ROBO2: variants seen among roughly 807,000 people sequenced by gnomAD.
ROBO2 encodes roundabout homolog 2.
Under a neutral mutation model 160.8 loss-of-function variants are expected in ROBO2, and 53 were observed. The observed-to-expected ratio is 0.33, with a 90% CI of 0.26 to 0.41. The LOEUF (loss-of-function observed/expected upper bound fraction) is 0.41. ROBO2 is among the 10% of genes least tolerant of loss of function. The pLI, the probability that ROBO2 is intolerant of heterozygous loss-of-function variation, is 1.00. For missense variants in ROBO2, 1,577 were observed against 1,722.4 expected, an observed-to-expected ratio of 0.92 and a Z score of 1.49; for synonymous variants, 664 against 611.7, an observed-to-expected ratio of 1.09 and a Z score of -1.26.
intron 23 of ROBO2, chr3:77,633,190 T>A (rs768641632): frequency 2.0e-5 from 3 of 152,202 alleles, no homozygotes; most frequent in Non-Finnish European, 4.4e-5. Context: ...ATACAATAAT[T>A]TATTATTTGT....
At chr3:76,190,673 T>C (rs1376986281) in intron 2 of ROBO2, among the ~76,000 whole-genome samples, 1 of 152,084 alleles carries the variant, frequency 6.6e-6, no homozygotes, top group Admixed American at 6.6e-5. Context: ...AATTTAAACA[T>C]TGAAGATACA....
chr3:76,370,391 C>G (rs914326227), intron 2 of ROBO2, among the ~76,000 whole-genome samples: 2 of 151,890 alleles, frequency 1.3e-5, no homozygotes, highest in African/African-American at 4.8e-5. Context: ...TTTGCATTAT[C>G]AAGAAGAAAG....
At chr3:76,413,089 A>G (rs2075579351) in intron 2 of ROBO2, among the ~76,000 whole-genome samples, 1 of 152,214 alleles carries the variant, frequency 6.6e-6, no homozygotes, top group Admixed American at 6.5e-5. Flanking sequence ...CTCTGGAGCC[A>G]CAGCCCAAGC....
intron 2 of ROBO2, among the ~76,000 whole-genome samples, chr3:76,932,605 A>G (rs953660794): frequency 6.6e-6 from 1 of 152,164 alleles, no homozygotes; most frequent in East Asian, 1.9e-4. Context: ...ACAAAAGTAC[A>G]TCCAGGTAAA....
At chr3:76,963,853 A>G (rs1375488598) in intron 2 of ROBO2, among the ~76,000 whole-genome samples, 1 of 151,168 alleles carries the variant, frequency 6.6e-6, no homozygotes, top group Admixed American at 6.6e-5. Flanking sequence ...AAAAAAAGAA[A>G]AAAAAGAAAA....
chr3:75,970,455 A>G (rs2064961137), intron 2 of ROBO2, among the ~76,000 whole-genome samples: 1 of 151,528 alleles, frequency 6.6e-6, no homozygotes, highest in African/African-American at 2.4e-5. Context: ...ATTTTCAGTG[A>G]TGAAGAAGAC....
chr3:77,300,207 C>A, intron 2 of ROBO2, among the ~76,000 whole-genome samples: 1 of 142,492 alleles, frequency 7.0e-6, no homozygotes, highest in African/African-American at 2.6e-5. Flanking sequence ...TTTTTTACTG[C>A]TCTTTCTCAA....
rs1178461363 is a variant in ROBO2, at chr3:76,869,340, A to ATCTTTTTTTTTTTTTTTTT, written c.110-228673_110-228672insCTTTTTTTTTTTTTTTTTT. Among the ~76,000 whole-genome samples the ATCTTTTTTTTTTTTTTTTT allele has an allele frequency of 3.7e-5, 4 of 108,140 alleles. 1 individual carries two copies. Among genetic ancestry groups the ATCTTTTTTTTTTTTTTTTT allele is most frequent in the African/African-American group, 3.6e-5 (1 of 27,998 alleles). The allele number at this position is 108,140 out of a possible 152,430, so 70.9% of individuals were successfully genotyped here. The stretch of plus-strand genomic sequence containing the variant: ...TATTTTATGTGCCTAGTAGAAATTG[A>ATCTTTTTTTTTTTTTTTTT]TGTTTTTTTTTTTTTTTTTTTTTTT... On this transcript the variant is annotated intron_variant, in intron 2 of 26. Transcript: ENST00000487694.
intron 2 of ROBO2, among the ~76,000 whole-genome samples, chr3:76,223,304 A>G (rs533259367): frequency 1.2e-4 from 19 of 152,008 alleles, no homozygotes; most frequent in African/African-American, 4.6e-4. Flanking sequence ...AGGAGAGGCC[A>G]TTACTGTTTC....
At chr3:76,725,121 C>T (rs1229528927) in intron 2 of ROBO2, among the ~76,000 whole-genome samples, 1 of 152,170 alleles carries the variant, frequency 6.6e-6, no homozygotes, top group Non-Finnish European at 1.5e-5. Flanking sequence ...TTTTAAACCA[C>T]CAAGTTTGTG....
intron 5 of ROBO2, among the ~76,000 whole-genome samples, chr3:77,512,827 A>G (rs2089563154): frequency 6.6e-6 from 1 of 152,020 alleles, no homozygotes; most frequent in Non-Finnish European, 1.5e-5. Flanking sequence ...TTAAAGGGAA[A>G]GAAACATTTA....
chr3:77,420,174 C>G (rs2077585514), intron 2 of ROBO2, among the ~76,000 whole-genome samples: 1 of 151,732 alleles, frequency 6.6e-6, no homozygotes, highest in African/African-American at 2.4e-5. Flanking sequence ...AAAGGGTGTT[C>G]TCAGTCTACA....
intron 2 of ROBO2, among the ~76,000 whole-genome samples, chr3:77,151,877 A>G (rs2077572910): frequency 1.3e-5 from 2 of 152,186 alleles, no homozygotes; most frequent in African/African-American, 2.4e-5. Flanking sequence ...ATAGGAAAAT[A>G]CTATTGGTTT....
intron 2 of ROBO2, among the ~76,000 whole-genome samples, chr3:76,915,622 A>G (rs2076252741): frequency 6.9e-6 from 1 of 145,814 alleles, no homozygotes; most frequent in African/African-American, 2.6e-5. Context: ...GTGAGCCAAG[A>G]TTGCGTCACT....
chr3:76,536,950 G>A (rs369248288), intron 2 of ROBO2, among the ~76,000 whole-genome samples: 2 of 152,196 alleles, frequency 1.3e-5, no homozygotes, highest in East Asian at 1.9e-4. Flanking sequence ...TTGGGCAGGT[G>A]GGGGAGAGCT....
At chr3:77,617,686 C>T in exon 22 of ROBO2, 5 of 1,614,074 alleles carry the variant, frequency 3.1e-6, no homozygotes, top group Non-Finnish European at 4.2e-6. Flanking sequence ...CTTACTCCAT[C>T]CCCACGGGAA....
intron 2 of ROBO2, among the ~76,000 whole-genome samples, chr3:76,624,578 C>T (rs1578647530): frequency 6.6e-6 from 1 of 151,906 alleles, no homozygotes; most frequent in African/African-American, 2.4e-5. Context: ...GCGGGCGGAT[C>T]GCCTGAGGTT....
At chr3:76,696,561 C>G (rs1475908986) in intron 2 of ROBO2, among the ~76,000 whole-genome samples, 1 of 152,040 alleles carries the variant, frequency 6.6e-6, no homozygotes, top group South Asian at 2.1e-4. Flanking sequence ...TAGCTACCCA[C>G]CTTCTGGGAA....
At chr3:77,500,902 T>C (rs1360705516) in intron 5 of ROBO2, among the ~76,000 whole-genome samples, 1 of 152,192 alleles carries the variant, frequency 6.6e-6, no homozygotes, top group Non-Finnish European at 1.5e-5. Context: ...AGTGGTCAAC[T>C]AACAAGCTGG....
Sources: gnomAD v4.1 joint callset for allele counts (sites outside exome capture counted in the v4.1 genomes callset) on GRCh38, gnomAD v4.1.1 for gene constraint, MANE v1.5 for transcripts, NCBI Gene and HGNC (gene_info 2026-07-23, HGNC 2026-07-21) for gene names.